The following SEMA6D variants were observed in gnomAD, a reference collection of about 807,000 sequenced individuals.
The protein encoded by SEMA6D is semaphorin 6D.
SEMA6D carries 35 observed loss-of-function variants against 106.6 expected under a neutral mutation model. The observed-to-expected ratio is 0.33, with a 90% CI of 0.25 to 0.44. The LOEUF (loss-of-function observed/expected upper bound fraction) is 0.44, where lower values mean the gene tolerates loss of function less well. Ranked by LOEUF, SEMA6D falls within the 20% of genes least tolerant of loss-of-function variation. The pLI is 1.00. For synonymous variants in SEMA6D, 499 were observed against 487.7 expected (o/e 1.02, Z -0.31); for missense variants, 1,185 against 1,345.9 (o/e 0.88, Z 1.87).
In SEMA6D at chr15:47,407,403, C is replaced by CAA. The variant is rs1462088729; in HGVS notation, c.-238-4989_-238-4988dup. ...AAAAAAAAAACCAAAACAACAACAA[C>CAA]AACAACAAAAAAAACAAAAAAAACA... On this transcript the variant is annotated intron_variant, in intron 1 of 19. Coordinates refer to the SEMA6D transcript ENST00000558014. 5.7e-4 allele frequency among the ~76,000 whole-genome samples: 47 copies of CAA among 82,196 alleles called. 1 individual carries two copies. Among genetic ancestry groups the CAA allele is most frequent in the Admixed American group, 9.4e-4 (7 of 7,430 alleles). 53.9% of individuals were successfully genotyped at this position (82,196 alleles called of 152,430 possible). A position where few individuals can be genotyped will look rare whatever the true frequency, so the allele number is the denominator to read the frequency against.
chr15:47,765,099 A>T lies in SEMA6D; in HGVS notation c.1427+43A>T, dbSNP rs2082268177. On this transcript the variant is annotated intron_variant, in intron 13 of 18. Transcript: ENST00000536845. ...GAACGCCCTTCAGCACTGCTCAAAA[A>T]TTTTCGGCATGTATTTCATCTAGTC... The T allele has an allele frequency of 1.9e-6, 3 of 1,593,748 alleles. No individual in the cohort carries two copies. In the South Asian group the frequency reaches 3.4e-5, roughly 18 times the overall value.
chr15:47,273,879 G>A (rs1387867842), intron 1 of SEMA6D, among the ~76,000 whole-genome samples: 3 of 152,164 alleles, frequency 2.0e-5, no homozygotes, highest in African/African-American at 7.2e-5. Flanking sequence ...GAAAATAAGT[G>A]ATAGGCATAG....
chr15:47,213,243 A>T (rs2030219650), intron 1 of SEMA6D, among the ~76,000 whole-genome samples: 2 of 152,210 alleles, frequency 1.3e-5, no homozygotes, highest in African/African-American at 4.8e-5. Context: ...GAATACTTCC[A>T]TCACTGCATG....
chr15:47,761,079 G>A, intron 4 of SEMA6D, 41 bp downstream of exon 4: 1 of 1,611,856 alleles, frequency 6.2e-7, no homozygotes, highest in Non-Finnish European at 8.5e-7. Flanking sequence ...CCTTCCCTCT[G>A]AACCTGATTA....
intron 3 of SEMA6D, among the ~76,000 whole-genome samples, chr15:47,597,251 T>C (rs2076555211): frequency 6.6e-6 from 1 of 151,964 alleles, no homozygotes; most frequent in Admixed American, 6.6e-5. Context: ...GAAAAGAAAA[T>C]CTTTGTACAT....
chr15:47,606,306 G>A (rs1281769285), intron 4 of SEMA6D: 1 of 152,140 alleles, frequency 6.6e-6, no homozygotes, highest in African/African-American at 2.4e-5. Context: ...CATTTTAAAA[G>A]AGAGAGAGAT....
At chr15:47,362,805 C>T (rs1049418582) in intron 1 of SEMA6D, among the ~76,000 whole-genome samples, 1 of 152,174 alleles carries the variant, frequency 6.6e-6, no homozygotes, top group Non-Finnish European at 1.5e-5. Flanking sequence ...TTTCTTGTTA[C>T]TGAAGGACTG....
At chr15:47,258,081 A>G (rs536687244) in intron 1 of SEMA6D, among the ~76,000 whole-genome samples, 3 of 152,112 alleles carry the variant, frequency 2.0e-5, no homozygotes, top group African/African-American at 4.8e-5. Context: ...TAATGTTTAT[A>G]TATCTTTTGC....
intron 1 of SEMA6D, among the ~76,000 whole-genome samples, chr15:47,187,329 A>C (rs112670433): frequency 0.018 from 2,730 of 152,326 alleles, 81 homozygotes; most frequent in African/African-American, 0.061. Flanking sequence ...GTTTACAAAC[A>C]CATATATTTT....
intron 1 of SEMA6D, among the ~76,000 whole-genome samples, chr15:47,236,288 T>TA (rs2032535676): frequency 6.6e-6 from 1 of 152,050 alleles, no homozygotes; most frequent in South Asian, 2.1e-4. Context: ...GATAGCTTGA[T>TA]AAATGGATCA....
At chr15:47,706,707 CTCTT>C (rs2078918695) in intron 4 of SEMA6D, among the ~76,000 whole-genome samples, 1 of 152,200 alleles carries the variant, frequency 6.6e-6, no homozygotes, top group Admixed American at 6.5e-5. Flanking sequence ...CTCTCTCTCT[CTCTT>C]TCTCTCTATT....
intron 4 of SEMA6D, among the ~76,000 whole-genome samples, chr15:47,657,258 TAAG>T (rs1481993089): frequency 6.6e-6 from 1 of 152,174 alleles, no homozygotes; most frequent in African/African-American, 2.4e-5. Flanking sequence ...CTGTTAAAAT[TAAG>T]AAGAGAAAGC....
chr15:47,698,205 C>T (rs1388622051), intron 4 of SEMA6D, among the ~76,000 whole-genome samples: 1 of 152,022 alleles, frequency 6.6e-6, no homozygotes, highest in African/African-American at 2.4e-5. Flanking sequence ...AAATATTTCT[C>T]ATGGTGAAGT....
At chr15:47,337,207 C>T (rs147347904) in intron 1 of SEMA6D, among the ~76,000 whole-genome samples, 271 of 152,252 alleles carry the variant, frequency 1.8e-3, no homozygotes, top group African/African-American at 6.4e-3. Context: ...CACCTGGGTC[C>T]ATGAAATCAG....
chr15:47,388,694 A>T (rs2039927845), intron 1 of SEMA6D, among the ~76,000 whole-genome samples: 1 of 152,210 alleles, frequency 6.6e-6, no homozygotes, highest in Non-Finnish European at 1.5e-5. Flanking sequence ...TCTTACGGTC[A>T]GGAAGCTTTC....
chr15:47,242,702 G>C (rs900672989), intron 1 of SEMA6D, among the ~76,000 whole-genome samples: 2 of 152,104 alleles, frequency 1.3e-5, no homozygotes, highest in African/African-American at 4.8e-5. Context: ...CTATATGCAG[G>C]ATTGGAAATA....
intron 2 of SEMA6D, among the ~76,000 whole-genome samples, chr15:47,440,222 T>A (rs761776865): frequency 6.6e-5 from 10 of 152,010 alleles, no homozygotes; most frequent in Non-Finnish European, 8.8e-5. Context: ...CTTGGCAGAA[T>A]GAAGAAATGA....
At chr15:47,729,996 T>C (rs2146633947) in intron 1 of SEMA6D, 1 of 506,992 alleles carries the variant, frequency 2.0e-6, no homozygotes, top group South Asian at 2.6e-5. Flanking sequence ...AGAGTCTATA[T>C]GACCTCCAGA....
intron 3 of SEMA6D, among the ~76,000 whole-genome samples, chr15:47,557,655 CAG>C (rs1383221359): frequency 1.3e-5 from 2 of 152,162 alleles, no homozygotes; most frequent in Non-Finnish European, 2.9e-5. Flanking sequence ...GTACACTTCA[CAG>C]AGAGTGTATT....
Sources: allele counts gnomAD v4.1 joint callset (sites outside exome capture counted in the v4.1 genomes callset), GRCh38; gene constraint gnomAD v4.1.1; transcripts MANE v1.5; gene names NCBI Gene and HGNC (gene_info 2026-07-23, HGNC 2026-07-21).